Variants in ADAMTS17 observed in about 807,000 individuals in gnomAD.
ADAMTS17 encodes ADAM metallopeptidase with thrombospondin type 1 motif 17, also known as A disintegrin and metalloproteinase with thrombospondin motifs 17.
Under a neutral mutation model 141.5 loss-of-function variants are expected in ADAMTS17, and 113 were observed. That is an observed-to-expected ratio of 0.80 (90% confidence interval 0.69 to 0.93). The LOEUF (loss-of-function observed/expected upper bound fraction) is 0.93, where lower values mean the gene tolerates loss of function less well. ADAMTS17 is among the 40% of genes least tolerant of loss of function. The pLI is 0.00. For synonymous variants in ADAMTS17, 768 were observed against 630.6 expected (o/e 1.22, Z -3.27); for missense variants, 1,659 against 1,517.9 (o/e 1.09, Z -1.54).
At chr15:100,133,424 CG>C (rs1434407559) in intron 10 of ADAMTS17, 109 bp from the exon 11 acceptor site, 6 of 1,046,574 alleles carry the variant, frequency 5.7e-6, no homozygotes, top group Non-Finnish European at 8.6e-6. Flanking sequence ...GGATTCGAAA[CG>C]TATGGGGAAG....
intron 13 of ADAMTS17, among the ~76,000 whole-genome samples, chr15:100,113,717 C>T (rs2036933469): frequency 6.6e-6 from 1 of 152,240 alleles, no homozygotes; most frequent in Non-Finnish European, 1.5e-5. Context: ...TTCAGCTTTG[C>T]AACAGCTTCC....
chr15:100,072,976 G>C (rs1300219846), intron 15 of ADAMTS17, among the ~76,000 whole-genome samples: 2 of 152,162 alleles, frequency 1.3e-5, no homozygotes, highest in African/African-American at 2.4e-5. Flanking sequence ...AGAGTGAACA[G>C]GCAACCTGCA....
At chr15:100,223,134 C>T (rs993365325) in intron 7 of ADAMTS17, among the ~76,000 whole-genome samples, 4 of 152,156 alleles carry the variant, frequency 2.6e-5, no homozygotes, top group South Asian at 2.1e-4. Context: ...GGACGAGAGG[C>T]ACCTGTCACT....
chr15:100,227,407 A>G (rs12907521), intron 7 of ADAMTS17, among the ~76,000 whole-genome samples: 43,917 of 152,064 alleles, frequency 0.29, 7,410 homozygotes, highest in African/African-American at 0.46. Context: ...TCATGTCAAT[A>G]TGGAGATCTC....
At chr15:100,219,391 T>G (rs8029753) in intron 7 of ADAMTS17, among the ~76,000 whole-genome samples, 16,833 of 152,292 alleles carry the variant, frequency 0.11, 1,269 homozygotes, top group East Asian at 0.29. Context: ...TCATCCAGCA[T>G]GCAAGGTCAA....
In ADAMTS17 at chr15:100,338,450, G is replaced by A. The variant is rs559309095; in HGVS notation, c.450+2589C>T. 2.0e-5 allele frequency among the ~76,000 whole-genome samples: 3 copies of A among 152,254 alleles called. No homozygotes were observed. In the South Asian group the frequency reaches 6.2e-4, roughly 32 times the overall value. Reference sequence around the variant, plus strand: ...AGTGGGACTTACCAGCAATTAACATGATACTCAACATCCGGAACGAAGTTT... The same window carrying A: ...AGTGGGACTTACCAGCAATTAACATAATACTCAACATCCGGAACGAAGTTT... On this transcript the variant is annotated intron_variant, in intron 2 of 21. Coordinates refer to ENST00000268070, the MANE Select transcript of ADAMTS17 (RefSeq NM_139057.4).
chr15:100,021,741 G>T (rs774272967), intron 18 of ADAMTS17, among the ~76,000 whole-genome samples: 2 of 152,182 alleles, frequency 1.3e-5, no homozygotes, highest in Non-Finnish European at 2.9e-5. Flanking sequence ...GAAGTACCAG[G>T]GTAGATGAAG....
chr15:100,067,184 A>G (rs1428158181), intron 15 of ADAMTS17, among the ~76,000 whole-genome samples: 1 of 151,974 alleles, frequency 6.6e-6, no homozygotes, highest in Non-Finnish European at 1.5e-5. Flanking sequence ...CAACACTTGA[A>G]ATACACTTTT....
Position 100,088,698 on chromosome 15 carries a change from T to C in ADAMTS17, c.2137+7658A>G, listed in dbSNP as rs528113174. Among the ~76,000 whole-genome samples, 189 of 151,936 alleles carry C rather than the reference T, an allele frequency of 1.2e-3. 1 individual carries two copies. Among genetic ancestry groups the C allele is most frequent in the Middle Eastern group, 0.01 (3 of 292 alleles). Reference sequence around the variant, plus strand: ...AGAAATAATACCACACATCTACAACTATCTGATCTTTGACAAACCTGACAA... The same window carrying C: ...AGAAATAATACCACACATCTACAACCATCTGATCTTTGACAAACCTGACAA... On this transcript the variant is annotated intron_variant, in intron 15 of 21. Transcript: ENST00000268070.
At chr15:100,179,937 G>A (rs2040468611) in intron 8 of ADAMTS17, among the ~76,000 whole-genome samples, 1 of 152,184 alleles carries the variant, frequency 6.6e-6, no homozygotes, top group South Asian at 2.1e-4. Context: ...TCTCTTGTCA[G>A]ATGGGTAGTT....
At chr15:100,266,877 G>A (rs572075114) in intron 4 of ADAMTS17, among the ~76,000 whole-genome samples, 5 of 152,178 alleles carry the variant, frequency 3.3e-5, no homozygotes, top group South Asian at 4.2e-4. Context: ...AGCTCCGGAG[G>A]ATGAGACCTC....
intron 15 of ADAMTS17, among the ~76,000 whole-genome samples, chr15:100,058,357 G>T (rs571948258): frequency 6.6e-6 from 1 of 151,706 alleles, no homozygotes; most frequent in African/African-American, 2.4e-5. Context: ...CCCCTATCCC[G>T]GCTCTAACCC....
At chr15:100,324,449 C>A (rs916412954) in intron 3 of ADAMTS17, among the ~76,000 whole-genome samples, 19 of 152,110 alleles carry the variant, frequency 1.2e-4, no homozygotes, top group Admixed American at 1.2e-3. Flanking sequence ...ATAATTTACA[C>A]CTGCTACATT....
intron 15 of ADAMTS17, among the ~76,000 whole-genome samples, chr15:100,088,193 T>C (rs550284742): frequency 2.0e-5 from 3 of 151,972 alleles, no homozygotes; most frequent in South Asian, 2.1e-4. Context: ...TATACACCAA[T>C]AACAGACAAA....
chr15:100,279,741 C>G (rs2044221386), intron 4 of ADAMTS17, among the ~76,000 whole-genome samples: 1 of 152,198 alleles, frequency 6.6e-6, no homozygotes, highest in Admixed American at 6.5e-5. Context: ...TACAAAGTTC[C>G]CCTTGACCCA....
intron 15 of ADAMTS17, among the ~76,000 whole-genome samples, chr15:100,070,699 A>G (rs1048088960): frequency 1.3e-4 from 20 of 150,256 alleles, no homozygotes; most frequent in African/African-American, 4.9e-4. Context: ...ACCAACGAGA[A>G]CAAAGACACA....
chr15:99,982,008 C>T (rs1283327947), intron 20 of ADAMTS17, among the ~76,000 whole-genome samples: 8 of 152,222 alleles, frequency 5.3e-5, no homozygotes, highest in Non-Finnish European at 1.2e-4. Flanking sequence ...TGGCATGCTA[C>T]GTCCCCACTT....
intron 4 of ADAMTS17, among the ~76,000 whole-genome samples, chr15:100,264,242 C>T (rs2043631810): frequency 6.6e-6 from 1 of 152,180 alleles, no homozygotes; most frequent in Non-Finnish European, 1.5e-5. Context: ...TGTCCTATCC[C>T]CAAGCCTGGG....
rs189628469 is a variant in ADAMTS17 at position 100,041,483 on chromosome 15, G to C, written c.2591+7374C>G. On this transcript the variant is annotated intron_variant, in intron 18 of 21. Coordinates refer to ENST00000268070, the MANE Select transcript of ADAMTS17 (RefSeq NM_139057.4). ...CTGCCTCCTTGCTCCAGGACCACCT[G>C]AGGCTGGGTCTCAAGGGTCTCGTCA... Among the ~76,000 whole-genome samples, 288 of 152,332 alleles carry C rather than the reference G, an allele frequency of 1.9e-3. 1 individual carries two copies. The highest frequency in any genetic ancestry group is 3.5e-3 in the Admixed American group (53 of 15,308).
Sources: gnomAD v4.1 joint callset for allele counts (sites outside exome capture counted in the v4.1 genomes callset) on GRCh38, gnomAD v4.1.1 for gene constraint, MANE v1.5 for transcripts, NCBI Gene and HGNC (gene_info 2026-07-23, HGNC 2026-07-21) for gene names.